The following BCAS3 variants were observed in gnomAD, a reference collection of about 807,000 sequenced individuals.
The protein encoded by BCAS3 is BCAS4/BCAS3 fusion.
In BCAS3, 53 loss-of-function variants were observed where a neutral mutation model predicts 116.1. The observed-to-expected ratio is 0.46, with a 90% confidence interval of 0.37 to 0.57. The LOEUF is 0.57. Ranked by LOEUF, BCAS3 falls within the 20% of genes least tolerant of loss-of-function variation. BCAS3 has a pLI of 0.00. For synonymous variants in BCAS3, 391 were observed against 408.2 expected, an observed-to-expected ratio of 0.96 and a Z score of 0.51; for missense variants, 917 against 1,165.4, an observed-to-expected ratio of 0.79 and a Z score of 3.10.
At position 61,302,201 on chromosome 17, in the gene BCAS3, T is replaced by TTC. The variant is rs2053510028; in HGVS notation, c.2426-66120_2426-66119dup. ...TCCCCCGACTCCCAGGGTTCTCCTG[T>TTC]TCTCTCTGGTGTATTACTTGACTTT... On this transcript the variant is annotated intron_variant, in intron 22 of 23. Coordinates refer to ENST00000407086, the MANE Select transcript of BCAS3 (RefSeq NM_017679.5). This position sits in a 1 kb window ranked among gnomAD's most constrained non-coding sequence, Gnocchi z 4.4. 6.6e-6 allele frequency among the ~76,000 whole-genome samples: 1 copy of TTC among 152,142 alleles called. No individual in the cohort carries two copies. The highest frequency in any genetic ancestry group is 6.5e-5 in the Admixed American group (1 of 15,276).
At chr17:60,806,938 T>C (rs924319473) in intron 6 of BCAS3, among the ~76,000 whole-genome samples, 2 of 152,164 alleles carry the variant, frequency 1.3e-5, no homozygotes, top group Admixed American at 6.6e-5. Context: ...TCACTTACTA[T>C]TATTATGTGG....
At chr17:61,002,453 C>G (rs1426517074) in intron 15 of BCAS3, 1 of 145,632 alleles carries the variant, frequency 6.9e-6, no homozygotes, top group African/African-American at 2.8e-5. Flanking sequence ...ATGAGACATG[C>G]CTCTAGAGGG....
At position 61,332,353 on chromosome 17, in the gene BCAS3, G is replaced by A. The variant is rs993469574; in HGVS notation, c.2426-35974G>A. ...CTGAACATCCTGCTCTGACTACAGC[G>A]TCCCCTCCCCTCCCTCCACCATCCG... On this transcript the variant is annotated intron_variant, in intron 22 of 23. Transcript: ENST00000407086. The surrounding 1 kb of genome is among the most constrained non-coding windows in gnomAD (Gnocchi z 5.4). Among the ~76,000 whole-genome samples the A allele has an allele frequency of 8.6e-5, 13 of 152,036 alleles. No individual in the cohort carries two copies. The highest frequency in any genetic ancestry group is 4.2e-4 in the South Asian group (2 of 4,816).
At chr17:61,066,631 A>T (rs2070653962) in intron 19 of BCAS3, among the ~76,000 whole-genome samples, 1 of 152,166 alleles carries the variant, frequency 6.6e-6, no homozygotes, top group African/African-American at 2.4e-5. Flanking sequence ...TATGTTAATG[A>T]TAAATATCTT....
chr17:61,184,518 A>G (rs2079654727), intron 22 of BCAS3, among the ~76,000 whole-genome samples: 3 of 152,150 alleles, frequency 2.0e-5, no homozygotes, highest in African/African-American at 7.2e-5. Flanking sequence ...GGAATGCAAA[A>G]TGGTATGTCC....
rs2050792728 is a variant in BCAS3 at position 61,276,806 on chromosome 17, C to T, written c.2426-91521C>T. Among the ~76,000 whole-genome samples, 1 of 152,154 alleles carries T rather than the reference C, an allele frequency of 6.6e-6. No homozygotes were observed. Among genetic ancestry groups the T allele is most frequent in the South Asian group, 2.1e-4 (1 of 4,824 alleles). On this transcript the variant is annotated intron_variant, in intron 22 of 23. Transcript: ENST00000407086. This position sits in a 1 kb window ranked among gnomAD's most constrained non-coding sequence, Gnocchi z 4.2. The stretch of plus-strand genomic sequence containing the variant: ...CTCGACTTTTCAATTTCAAAATATA[C>T]TTCTAAGCTACAGTAATCAAGACAG...
At position 61,208,437 on chromosome 17, in the gene BCAS3, A is replaced by T. The variant is rs901638772; in HGVS notation, c.2425+123873A>T. ...AAGCACCGAAGAAATGAAATGTGCTAGTAAGTGTCGTTAAAAAACTGAGAG... is the reference window on the plus strand; with the variant it reads ...AAGCACCGAAGAAATGAAATGTGCTTGTAAGTGTCGTTAAAAAACTGAGAG... On this transcript the variant is annotated intron_variant, in intron 22 of 23. Coordinates refer to ENST00000407086, the MANE Select transcript of BCAS3 (RefSeq NM_017679.5). The surrounding 1 kb of genome is among the most constrained non-coding windows in gnomAD (Gnocchi z 4.5). Among the ~76,000 whole-genome samples the T allele has an allele frequency of 1.3e-5, 2 of 152,184 alleles. No individual in the cohort carries two copies. The highest frequency in any genetic ancestry group is 6.5e-5 in the Admixed American group (1 of 15,276).
Position 61,242,043 on chromosome 17 carries a change from G to A in BCAS3, c.2426-126284G>A, listed in dbSNP as rs189220373. Among the ~76,000 whole-genome samples, 325 of 152,254 alleles carry A rather than the reference G, an allele frequency of 2.1e-3. 3 individuals carry two copies. The highest frequency in any genetic ancestry group is 7.4e-3 in the African/African-American group (309 of 41,546). ...TGTAATTCCAGCACTTTGGGAGGCC[G>A]AGGCGGGCAGATCACCTGAGGTTGG... On this transcript the variant is annotated intron_variant, in intron 22 of 23. Transcript: ENST00000407086.
At chr17:61,238,637 T>C (rs541872227) in intron 22 of BCAS3, among the ~76,000 whole-genome samples, 1 of 152,320 alleles carries the variant, frequency 6.6e-6, no homozygotes, top group East Asian at 1.9e-4. Flanking sequence ...TATGTCTTTA[T>C]GGCCTTGCTT....
At chr17:60,810,346 A>T (rs986512325) in intron 7 of BCAS3, 5 of 447,990 alleles carry the variant, frequency 1.1e-5, no homozygotes, top group Admixed American at 2.8e-5. Flanking sequence ...CATGGGGTCC[A>T]GGGGCCTGGT....
intron 22 of BCAS3, among the ~76,000 whole-genome samples, chr17:61,312,047 A>G (rs1375221642): frequency 6.6e-6 from 1 of 152,176 alleles, no homozygotes; most frequent in Non-Finnish European, 1.5e-5. Flanking sequence ...TGGGTGTCCT[A>G]TTAGAAACAA....
intron 22 of BCAS3, among the ~76,000 whole-genome samples, chr17:61,330,173 T>G (rs1000940497): frequency 2.6e-5 from 4 of 152,168 alleles, no homozygotes; most frequent in Non-Finnish European, 5.9e-5. Flanking sequence ...GAGTAGGTTT[T>G]TTATTTCTTC....
At position 61,380,707 on chromosome 17, in the gene BCAS3, G is replaced by A; in HGVS notation, c.2594-11270G>A. 1 of 734,114 alleles carries A rather than the reference G, an allele frequency of 1.4e-6. No individual in the cohort carries two copies. The highest frequency in any genetic ancestry group is 2.3e-6 in the Non-Finnish European group (1 of 437,570). 45.5% of individuals were successfully genotyped at this position (734,114 alleles called of 1,614,324 possible). ...GGGAGGGCAGGGGTCAGCTCAGATG[G>A]GAGGTCTCTTCTGGAAGGGGACTGG... On this transcript the variant is annotated intron_variant, in intron 23 of 23. Coordinates refer to ENST00000407086, the MANE Select transcript of BCAS3 (RefSeq NM_017679.5). The surrounding 1 kb of genome is among the most constrained non-coding windows in gnomAD (Gnocchi z 4.2).
intron 7 of BCAS3, among the ~76,000 whole-genome samples, chr17:60,850,623 T>C (rs1430522802): frequency 2.0e-5 from 3 of 152,276 alleles, no homozygotes; most frequent in Middle Eastern, 3.4e-3. Flanking sequence ...CTTCTGAAAG[T>C]GCTGGGATTA....
chr17:61,328,595 G>A lies in BCAS3; in HGVS notation c.2426-39732G>A, dbSNP rs568795717. On this transcript the variant is annotated intron_variant, in intron 22 of 23. Coordinates refer to ENST00000407086, the MANE Select transcript of BCAS3 (RefSeq NM_017679.5). Reference sequence around the variant, plus strand: ...CAGCCTGGCAACATGGCGAAACTCCGTCTCTACAAAAAATATAAAATTAGC... The same window carrying A: ...CAGCCTGGCAACATGGCGAAACTCCATCTCTACAAAAAATATAAAATTAGC... 6.6e-4 allele frequency among the ~76,000 whole-genome samples: 101 copies of A among 152,130 alleles called. 2 individuals carry two copies. In the South Asian group the frequency reaches 0.01, roughly 15 times the overall value.
rs1420653488 is a variant in BCAS3 at position 61,233,137 on chromosome 17, A to AT, written c.2426-135189dup. ...GTTACCACTTAAAAAGGGGCTAAAA[A>AT]TACTTCTTTTTTAAAAAACTCCTCT... On this transcript the variant is annotated intron_variant, in intron 22 of 23. Coordinates refer to ENST00000407086, the MANE Select transcript of BCAS3 (RefSeq NM_017679.5). This position sits in a 1 kb window ranked among gnomAD's most constrained non-coding sequence, Gnocchi z 4.3. Among the ~76,000 whole-genome samples the AT allele has an allele frequency of 6.6e-6, 1 of 152,210 alleles. No individual in the cohort carries two copies. Among genetic ancestry groups the AT allele is most frequent in the East Asian group, 1.9e-4 (1 of 5,202 alleles).
At chr17:61,179,250 A>C (rs12952410) in intron 22 of BCAS3, among the ~76,000 whole-genome samples, 1 of 136,210 alleles carries the variant, frequency 7.3e-6, no homozygotes, top group African/African-American at 2.7e-5. Flanking sequence ...CCTATTCCAG[A>C]CTCCTATTGT....
At chr17:61,269,531 C>T (rs1385723828) in intron 22 of BCAS3, among the ~76,000 whole-genome samples, 1 of 152,150 alleles carries the variant, frequency 6.6e-6, no homozygotes, top group African/African-American at 2.4e-5. Flanking sequence ...AGTGACTACA[C>T]CATTTACATT....
At chr17:61,148,842 ACT>A (rs2077389427) in intron 22 of BCAS3, among the ~76,000 whole-genome samples, 1 of 152,228 alleles carries the variant, frequency 6.6e-6, no homozygotes, top group Admixed American at 6.5e-5. Flanking sequence ...AAAAAAATGT[ACT>A]GTTTGGTTAA....
Sources: gnomAD v4.1 joint callset for allele counts (sites outside exome capture counted in the v4.1 genomes callset) on GRCh38, gnomAD v4.1.1 for gene constraint, Gnocchi (gnomAD v3.1) non-coding constraint, MANE v1.5 for transcripts, NCBI Gene and HGNC (gene_info 2026-07-23, HGNC 2026-07-21) for gene names.